The following LUZP2 variants were observed in gnomAD, a reference collection of about 807,000 sequenced individuals.
The protein encoded by LUZP2 is leucine zipper protein 2.
In LUZP2, 52 loss-of-function variants were observed where a neutral mutation model predicts 51.6. That is an observed-to-expected ratio of 1.01 (90% CI 0.81 to 1.27). The LOEUF (loss-of-function observed/expected upper bound fraction) is 1.27, where lower values mean the gene tolerates loss of function less well. Among genes scored for constraint, LUZP2 ranks in the 50% most tolerant of loss-of-function variants. The probability of loss-of-function intolerance (pLI) is 0.00; values close to 1 mark genes in which losing one functional copy is unlikely to be tolerated. For synonymous variants in LUZP2, 154 were observed against 137.3 expected (o/e 1.12, Z -0.85); for missense variants, 436 against 395.4 (o/e 1.10, Z -0.87).
At chr11:24,535,845 T>G (rs1851160585) in intron 1 of LUZP2, among the ~76,000 whole-genome samples, 1 of 151,708 alleles carries the variant, frequency 6.6e-6, no homozygotes, top group Non-Finnish European at 1.5e-5. Context: ...GTTTAAAATT[T>G]CCTTTGCTCA....
At chr11:24,781,562 T>A (rs1849091498) in intron 5 of LUZP2, among the ~76,000 whole-genome samples, 1 of 132,576 alleles carries the variant, frequency 7.5e-6, no homozygotes, top group African/African-American at 2.9e-5. Flanking sequence ...AAGACCTGTG[T>A]TTCATGATTT....
chr11:25,061,965 G>A (rs1858850924), intron 10 of LUZP2, among the ~76,000 whole-genome samples: 1 of 151,942 alleles, frequency 6.6e-6, no homozygotes, highest in Admixed American at 6.6e-5. Context: ...ATGAACCTGT[G>A]TATTGCCCGA....
intron 1 of LUZP2, among the ~76,000 whole-genome samples, chr11:24,604,578 A>G (rs1434490913): frequency 6.6e-6 from 1 of 151,860 alleles, no homozygotes; most frequent in Non-Finnish European, 1.5e-5. Flanking sequence ...GGTGGCATAG[A>G]CTAAAAGCAT....
intron 1 of LUZP2, among the ~76,000 whole-genome samples, chr11:24,522,038 T>C (rs1850657127): frequency 6.6e-6 from 1 of 152,108 alleles, no homozygotes; most frequent in Non-Finnish European, 1.5e-5. Flanking sequence ...TGGCAATAAC[T>C]GACCACGAGA....
intron 1 of LUZP2, among the ~76,000 whole-genome samples, chr11:24,702,168 A>G (rs1288987042): frequency 6.6e-6 from 1 of 152,228 alleles, no homozygotes; most frequent in East Asian, 1.9e-4. Context: ...GCTTATCAAC[A>G]TGTGAAGATG....
chr11:24,564,571 A>G (rs886703662), intron 1 of LUZP2, among the ~76,000 whole-genome samples: 2 of 152,164 alleles, frequency 1.3e-5, no homozygotes, highest in African/African-American at 2.4e-5. Flanking sequence ...CATCAAAAAG[A>G]ACAGCACATT....
At chr11:24,577,379 A>G (rs1323695057) in intron 1 of LUZP2, among the ~76,000 whole-genome samples, 1 of 152,124 alleles carries the variant, frequency 6.6e-6, no homozygotes, top group African/African-American at 2.4e-5. Context: ...GCGGAATCAG[A>G]CCAATTTCTA....
At chr11:24,719,565 A>G (rs1858182935) in intron 1 of LUZP2, among the ~76,000 whole-genome samples, 1 of 152,232 alleles carries the variant, frequency 6.6e-6, no homozygotes, top group Non-Finnish European at 1.5e-5. Flanking sequence ...AATATAGAGA[A>G]GTTAACACAG....
chr11:24,517,675 G>C (rs140480507), intron 1 of LUZP2, among the ~76,000 whole-genome samples: 1 of 151,760 alleles, frequency 6.6e-6, no homozygotes, highest in African/African-American at 2.4e-5. Context: ...ATAATCCATA[G>C]TTTGCTTTCT....
At chr11:24,559,103 AT>A (rs1311714441) in intron 1 of LUZP2, among the ~76,000 whole-genome samples, 3 of 152,218 alleles carry the variant, frequency 2.0e-5, no homozygotes, top group Non-Finnish European at 2.9e-5. Flanking sequence ...TGTAGATTAC[AT>A]TTGACCACTA....
chr11:24,612,733 T>C (rs1854161571), intron 1 of LUZP2, among the ~76,000 whole-genome samples: 1 of 152,118 alleles, frequency 6.6e-6, no homozygotes, highest in Non-Finnish European at 1.5e-5. Flanking sequence ...TCTAATCCAT[T>C]TTCTTTACAT....
At chr11:24,839,081 G>T (rs1850944947) in intron 5 of LUZP2, among the ~76,000 whole-genome samples, 1 of 151,614 alleles carries the variant, frequency 6.6e-6, no homozygotes, top group Non-Finnish European at 1.5e-5. Flanking sequence ...AGGAAATAAA[G>T]TTGTAGGTTG....
intron 1 of LUZP2, among the ~76,000 whole-genome samples, chr11:24,645,668 A>C (rs558061388): frequency 6.6e-6 from 1 of 152,076 alleles, no homozygotes; most frequent in South Asian, 2.1e-4. Flanking sequence ...TTTTTCTCTT[A>C]AAATAGCTTT....
intron 5 of LUZP2, among the ~76,000 whole-genome samples, chr11:24,815,903 G>A (rs1850166358): frequency 6.6e-6 from 1 of 151,962 alleles, no homozygotes; most frequent in Non-Finnish European, 1.5e-5. Context: ...ACTGAAGGAA[G>A]TGCAATGGAG....
intron 1 of LUZP2, among the ~76,000 whole-genome samples, chr11:24,581,749 T>C (rs1852864838): frequency 6.6e-6 from 1 of 150,682 alleles, no homozygotes; most frequent in African/African-American, 2.4e-5. Context: ...TAACCTTCAT[T>C]GAGGATTTAT....
At chr11:24,503,723 A>C (rs557625450) in intron 1 of LUZP2, among the ~76,000 whole-genome samples, 1 of 152,338 alleles carries the variant, frequency 6.6e-6, no homozygotes, top group East Asian at 1.9e-4. Flanking sequence ...AAAGGGAAAC[A>C]AACTAGAACC....
intron 9 of LUZP2, among the ~76,000 whole-genome samples, chr11:25,003,109 C>G (rs185017063): frequency 9.3e-4 from 141 of 152,306 alleles, no homozygotes; most frequent in African/African-American, 3.2e-3. Flanking sequence ...ACCTAGACAC[C>G]TTGTACACTT....
intron 4 of LUZP2, among the ~76,000 whole-genome samples, chr11:24,748,567 C>T (rs1027531356): frequency 6.6e-6 from 1 of 151,828 alleles, no homozygotes; most frequent in African/African-American, 2.4e-5. Context: ...TCAAACGATT[C>T]TCCTGCCTCA....
In LUZP2 at chr11:24,600,655, C is replaced by T. The variant is rs188440246; in HGVS notation, c.62+103350C>T. On this transcript the variant is annotated intron_variant, in intron 1 of 11. Transcript: ENST00000336930. ...TTAGCTCACTTCTGTTCATAAAGAT[C>T]GTGATTGCTTCCTACCATTTTTAAT... 2.8e-4 allele frequency among the ~76,000 whole-genome samples: 42 copies of T among 152,148 alleles called. No individual in the cohort carries two copies. The East Asian group carries it at 6.2e-3, about 22-fold the overall frequency.
Sources: gnomAD v4.1 joint callset for allele counts (sites outside exome capture counted in the v4.1 genomes callset) on GRCh38, gnomAD v4.1.1 for gene constraint, MANE v1.5 for transcripts, NCBI Gene and HGNC (gene_info 2026-07-23, HGNC 2026-07-21) for gene names.